Variants in MSH3 observed in about 807,000 individuals in gnomAD.
MSH3 encodes the protein mutS homolog 3, also known as DNA mismatch repair protein Msh3.
Under a neutral mutation model 123.3 loss-of-function variants are expected in MSH3, and 106 were observed. The observed-to-expected ratio is 0.86, with a 90% CI of 0.73 to 1.01. The LOEUF (loss-of-function observed/expected upper bound fraction) is 1.01, where lower values mean the gene tolerates loss of function less well. Ranked by LOEUF, MSH3 falls within the 50% of genes least tolerant of loss-of-function variation. The pLI, the probability that MSH3 is intolerant of heterozygous loss-of-function variation, is 0.00. For missense variants in MSH3, 1,459 were observed against 1,347.6 expected (o/e 1.08, Z -1.29); for synonymous variants, 515 against 481.4 (o/e 1.07, Z -0.91).
At chr5:80,680,254 T>G (rs1329986683) in intron 8 of MSH3, among the ~76,000 whole-genome samples, 4 of 151,598 alleles carry the variant, frequency 2.6e-5, no homozygotes, top group Non-Finnish European at 5.9e-5. Context: ...AGCAAGACTC[T>G]TATCTCAAAA....
Position 80,851,444 on chromosome 5 carries a change from G to A in MSH3, c.2814-2686G>A, listed in dbSNP as rs568938108. On this transcript the variant is annotated intron_variant, in intron 20 of 23. Coordinates refer to ENST00000265081, the MANE Select transcript of MSH3 (RefSeq NM_002439.5). ...CCTGTTTGAATTTACATATTTGGGT[G>A]TTTTCATGAGTTTCTTTTGTGAATT... Among the ~76,000 whole-genome samples the A allele has an allele frequency of 3.9e-5, 6 of 152,148 alleles. No homozygotes were observed. In the South Asian group the frequency reaches 1.2e-3, roughly 32 times the overall value.
chr5:80,732,390 TATGATAACAGA>T (rs1218180609), intron 10 of MSH3, among the ~76,000 whole-genome samples: 1 of 152,156 alleles, frequency 6.6e-6, no homozygotes, highest in Admixed American at 6.5e-5. Context: ...GAAAACTTCT[TATGATAACAGA>T]ATGATAACAT....
chr5:80,672,218 T>C, intron 4 of MSH3, 26 bp from the exon 5 acceptor site: 1 of 1,456,892 alleles, frequency 6.9e-7, no homozygotes, highest in Admixed American at 1.7e-5. Flanking sequence ...ATAAATTTAT[T>C]GATATTTTCT....
At chr5:80,811,295 G>C (rs1222010838) in intron 19 of MSH3, among the ~76,000 whole-genome samples, 1 of 152,026 alleles carries the variant, frequency 6.6e-6, no homozygotes, top group Non-Finnish European at 1.5e-5. Context: ...TTTCACAAGT[G>C]AATGTTGAAT....
At chr5:80,808,905 G>A (rs2112047576) in intron 19 of MSH3, among the ~76,000 whole-genome samples, 2 of 57,118 alleles carry the variant, frequency 3.5e-5, no homozygotes, top group South Asian at 1.6e-3. Flanking sequence ...TTCGAAGAGA[G>A]CAATATTTCT....
intron 13 of MSH3, among the ~76,000 whole-genome samples, chr5:80,766,211 C>G (rs922651661): frequency 1.3e-5 from 2 of 152,040 alleles, no homozygotes; most frequent in African/African-American, 2.4e-5. Flanking sequence ...AATTGTGTCT[C>G]CGTTTTCCTT....
chr5:80,805,526 T>C (rs1744871507), intron 19 of MSH3, among the ~76,000 whole-genome samples: 2 of 151,962 alleles, frequency 1.3e-5, no homozygotes, highest in South Asian at 4.2e-4. Flanking sequence ...GTATGTTTTA[T>C]AGTTAAAAGA....
intron 19 of MSH3, 67 bp from the exon 20 acceptor site, chr5:80,813,517 A>G: frequency 6.7e-7 from 1 of 1,496,164 alleles, no homozygotes; most frequent in Non-Finnish European, 9.3e-7. Context: ...TCCACTTATG[A>G]GATAAATTGT....
chr5:80,679,259 T>C (rs1370538331), intron 8 of MSH3, among the ~76,000 whole-genome samples, 166 bp downstream of exon 8: 1 of 151,830 alleles, frequency 6.6e-6, no homozygotes, highest in Non-Finnish European at 1.5e-5. Flanking sequence ...AAGCTGGGCA[T>C]GGTGGCACAT....
intron 8 of MSH3, among the ~76,000 whole-genome samples, chr5:80,691,910 C>T (rs1199513451): frequency 8.1e-6 from 1 of 123,256 alleles, no homozygotes; most frequent in Non-Finnish European, 1.7e-5. Flanking sequence ...TATAGATAAA[C>T]ATGTATATGT....
intron 20 of MSH3, among the ~76,000 whole-genome samples, chr5:80,830,953 T>C (rs1279600725): frequency 6.6e-6 from 1 of 152,204 alleles, no homozygotes; most frequent in African/African-American, 2.4e-5. Flanking sequence ...TGTGATCTTA[T>C]TGCAATCATT....
At chr5:80,869,778 A>C (rs901593942) in intron 22 of MSH3, among the ~76,000 whole-genome samples, 4 of 143,790 alleles carry the variant, frequency 2.8e-5, no homozygotes, top group African/African-American at 8.0e-5. Flanking sequence ...CACTCTTTAT[A>C]TATGTATACA....
At chr5:80,772,468 G>T (rs1328098728) in intron 15 of MSH3, among the ~76,000 whole-genome samples, 1 of 152,094 alleles carries the variant, frequency 6.6e-6, no homozygotes, top group Non-Finnish European at 1.5e-5. Context: ...GATACCACAG[G>T]CTATATAGAT....
chr5:80,784,727 G>C (rs6151825), intron 17 of MSH3, among the ~76,000 whole-genome samples: 38 of 152,262 alleles, frequency 2.5e-4, no homozygotes, highest in Admixed American at 2.1e-3. Flanking sequence ...AGGGCTGCCT[G>C]TCTGATGCTA....
intron 18 of MSH3, among the ~76,000 whole-genome samples, chr5:80,790,309 G>C (rs1744586488): frequency 6.6e-6 from 1 of 152,136 alleles, no homozygotes. Context: ...AGGGCCTATT[G>C]AACCTAATTT....
chr5:80,768,869 T>C lies in MSH3; in HGVS notation c.2119T>C (p.Ser707Pro). 1 of 1,611,212 alleles carries C rather than the reference T, an allele frequency of 6.2e-7. No homozygotes were observed. Among genetic ancestry groups the C allele is most frequent in the Non-Finnish European group, 8.5e-7 (1 of 1,177,678 alleles). ...TAAAACTGAATTATTTAAAGACCTT[T>C]CTGACTTCCCTTTAATAAAAAAGAG... ...GDKTELFKDL[S>P]DFPLIKKRKD... The change falls in exon 15 of 24, where the codon TCT (serine) becomes CCT (proline). Residue 707 changes from serine to proline, a missense_variant. By Grantham distance (74) the Ser-to-Pro change is moderately conservative. Transcript: ENST00000265081.
At chr5:80,810,172 C>CATACAT (rs375421949) in intron 19 of MSH3, among the ~76,000 whole-genome samples, 8 of 121,590 alleles carry the variant, frequency 6.6e-5, no homozygotes, top group South Asian at 3.0e-4. Context: ...GTTTGACATA[C>CATACAT]ATATATATAT....
At position 80,769,434 on chromosome 5, in the gene MSH3, T is replaced by TA. The variant is rs201850819; in HGVS notation, c.2253+439dup. Reference sequence around the variant, plus strand: ...CTCCTAAAGTTAAGAGTATAGCTGCTAAAAAAAACAAGTCTAGAGTGAAAA... The same window carrying TA: ...CTCCTAAAGTTAAGAGTATAGCTGCTAAAAAAAAACAAGTCTAGAGTGAAAA... On this transcript the variant is annotated intron_variant, in intron 15 of 23. Coordinates refer to ENST00000265081, the MANE Select transcript of MSH3 (RefSeq NM_002439.5). Among the ~76,000 whole-genome samples, 90 of 151,812 alleles carry TA rather than the reference T, an allele frequency of 5.9e-4. 1 individual carries two copies. In the East Asian group the frequency reaches 0.011, roughly 18 times the overall value.
chr5:80,818,409 A>AAG (rs1745143962), intron 20 of MSH3, among the ~76,000 whole-genome samples: 1 of 150,022 alleles, frequency 6.7e-6, no homozygotes, highest in African/African-American at 2.4e-5. Context: ...TGACAAAAAA[A>AAG]AAAAAAAAAA....
Sources: allele counts gnomAD v4.1 joint callset (sites outside exome capture counted in the v4.1 genomes callset), GRCh38; gene constraint gnomAD v4.1.1; transcripts MANE v1.5; gene names NCBI Gene and HGNC (gene_info 2026-07-23, HGNC 2026-07-21).